Variants in OVCH1 observed in about 807,000 individuals in gnomAD.
OVCH1 encodes ovochymase-1.
In OVCH1, 139 loss-of-function variants were observed where a neutral mutation model predicts 138.4. That is an observed-to-expected ratio of 1.00 (90% CI 0.87 to 1.16). The LOEUF (loss-of-function observed/expected upper bound fraction) is 1.16, where lower values mean the gene tolerates loss of function less well. Among genes scored for constraint, OVCH1 ranks in the 50% most tolerant of loss-of-function variants. OVCH1 has a pLI of 0.00. For synonymous variants in OVCH1, 453 were observed against 467.8 expected (o/e 0.97, Z 0.41); for missense variants, 1,367 against 1,357.9 (o/e 1.01, Z -0.11).
the OVCH1 span, among the ~76,000 whole-genome samples, chr12:29,402,905 A>T: frequency 7.9e-5 from 12 of 152,164 alleles, no homozygotes; most frequent in Non-Finnish European, 1.5e-5. Flanking sequence ...TTATTTTCTA[A>T]TACCATTACA....
intron 22 of OVCH1, among the ~76,000 whole-genome samples, chr12:29,450,319 G>GA (rs1232978387): frequency 6.6e-6 from 1 of 151,856 alleles, no homozygotes; most frequent in Non-Finnish European, 1.5e-5. Context: ...AAATTCACAA[G>GA]AAAAAAATAA....
intron 16 of OVCH1, among the ~76,000 whole-genome samples, chr12:29,469,910 C>T (rs1381674078): frequency 6.6e-6 from 1 of 152,034 alleles, no homozygotes; most frequent in African/African-American, 2.4e-5. Context: ...GGTTCTTGAC[C>T]CTCTGCACAT....
intron 23 of OVCH1, 138 bp downstream of exon 23, chr12:29,445,140 T>A: frequency 9.9e-7 from 1 of 1,006,358 alleles, no homozygotes; most frequent in South Asian, 2.1e-5. Context: ...CTTAAGTAGA[T>A]TTTCCTTTCA....
chr12:29,476,189 G>A lies in OVCH1; in HGVS notation c.1471+17C>T, dbSNP rs1942707018. 6.3e-7 allele frequency: 1 copy of A among 1,587,164 alleles called. No homozygotes were observed. Among genetic ancestry groups the A allele is most frequent in the East Asian group, 2.2e-5 (1 of 44,740 alleles). On this transcript the variant is annotated intron_variant, in intron 13 of 27. Transcript: ENST00000318184. Reference sequence around the variant, plus strand: ...TTCGTCTAACACTTTCATATTTAAAGGGTGAAGTCTACCTACCTAACTTGT... The same window carrying A: ...TTCGTCTAACACTTTCATATTTAAAAGGTGAAGTCTACCTACCTAACTTGT...
At chr12:29,480,376 A>G (rs1247682452) in intron 8 of OVCH1, among the ~76,000 whole-genome samples, 1 of 152,336 alleles carries the variant, frequency 6.6e-6, no homozygotes, top group East Asian at 1.9e-4. Flanking sequence ...ACTGTAGTTT[A>G]GGCTTTATGA....
intron 3 of OVCH1, 111 bp downstream of exon 3, chr12:29,496,069 GA>G: frequency 2.1e-6 from 2 of 936,008 alleles, no homozygotes; most frequent in East Asian, 5.3e-5. Flanking sequence ...GGTACACTGG[GA>G]GGCAAAAGTA....
At chr12:29,476,212 T>C (rs1399844218) in exon 13 of OVCH1, 7 of 1,611,484 alleles carry the variant, frequency 4.3e-6, no homozygotes, top group Non-Finnish European at 8.5e-7. Flanking sequence ...CTACCTAACT[T>C]GTGCTTTTCT....
At chr12:29,423,374 A>C (rs1243178012), downstream of OVCH1, 5 of 431,578 alleles carry the variant, frequency 1.2e-5, no homozygotes, top group Non-Finnish European at 1.8e-5. Context: ...ACAAAGAGGT[A>C]ACATTAAATT....
intron 19 of OVCH1, among the ~76,000 whole-genome samples, chr12:29,458,792 A>T (rs1411288614): frequency 2.0e-5 from 3 of 149,450 alleles, no homozygotes; most frequent in African/African-American, 7.7e-5. Context: ...ACTCTATAGA[A>T]AAAATCTAAT....
intron 24 of OVCH1, 91 bp from the exon 25 acceptor site, chr12:29,443,591 T>G (rs1941541909): frequency 8.0e-7 from 1 of 1,250,672 alleles, no homozygotes; most frequent in Non-Finnish European, 1.1e-6. Flanking sequence ...TCAATGTTAT[T>G]GACCCCCAGT....
intron 20 of OVCH1, 105 bp downstream of exon 20, chr12:29,455,144 A>C: frequency 7.4e-7 from 1 of 1,353,834 alleles, no homozygotes; most frequent in Non-Finnish European, 1.0e-6. Flanking sequence ...ATGAAATTCT[A>C]CTCTATGGTT....
chr12:29,461,090 A>T (rs540810238), intron 19 of OVCH1, among the ~76,000 whole-genome samples: 2 of 152,202 alleles, frequency 1.3e-5, no homozygotes, highest in African/African-American at 4.8e-5. Context: ...AAAACTATCA[A>T]AGAGCTGCAG....
chr12:29,488,986 C>T (rs548527903), intron 6 of OVCH1, among the ~76,000 whole-genome samples: 2 of 133,502 alleles, frequency 1.5e-5, no homozygotes, highest in African/African-American at 5.4e-5. Context: ...GCTTCCCTCA[C>T]ATTTTCAAGC....
At chr12:29,468,790 T>C (rs1384197275) in intron 16 of OVCH1, among the ~76,000 whole-genome samples, 6 of 152,166 alleles carry the variant, frequency 3.9e-5, no homozygotes, top group Non-Finnish European at 8.8e-5. Context: ...TATATTTATA[T>C]ACATGGGTGA....
chr12:29,459,617 A>G (rs1294371637), intron 19 of OVCH1, among the ~76,000 whole-genome samples: 1 of 152,220 alleles, frequency 6.6e-6, no homozygotes, highest in Non-Finnish European at 1.5e-5. Context: ...GCATTTAAAA[A>G]TCACTAAAAC....
chr12:29,428,158 C>T (rs1383471699), intron 27 of OVCH1, among the ~76,000 whole-genome samples: 2 of 152,128 alleles, frequency 1.3e-5, no homozygotes, highest in East Asian at 1.9e-4. Flanking sequence ...TGTGCAACCA[C>T]CAAAATACCA....
chr12:29,415,244 A>G (rs1565560619), intron 3 of OVCH1, among the ~76,000 whole-genome samples: 1 of 152,160 alleles, frequency 6.6e-6, no homozygotes, highest in Non-Finnish European at 1.5e-5. Flanking sequence ...ATAAGAAAGT[A>G]AGGAAAGAAG....
intron 22 of OVCH1, among the ~76,000 whole-genome samples, chr12:29,449,793 A>G (rs1941728637): frequency 6.6e-6 from 1 of 152,208 alleles, no homozygotes; most frequent in Admixed American, 6.5e-5. Context: ...CCAAAACAGC[A>G]TGGTACTGGT....
downstream of OVCH1, chr12:29,423,273 CTCTT>C (rs1419255245): frequency 4.4e-6 from 2 of 455,754 alleles, no homozygotes; most frequent in Non-Finnish European, 8.8e-6. Context: ...TCAAGATAAA[CTCTT>C]TCTTGGAGCC....
Sources: allele counts gnomAD v4.1 joint callset (sites outside exome capture counted in the v4.1 genomes callset), GRCh38; gene constraint gnomAD v4.1.1; transcripts MANE v1.5; gene names NCBI Gene and HGNC (gene_info 2026-07-23, HGNC 2026-07-21).